NPAT: variants seen among roughly 807,000 people sequenced by gnomAD.
NPAT encodes protein NPAT.
NPAT carries 52 observed loss-of-function variants against 130.7 expected under a neutral mutation model. The observed-to-expected ratio is 0.40, with a 90% CI of 0.32 to 0.50. The LOEUF is 0.50. Ranked by LOEUF, NPAT falls within the 20% of genes least tolerant of loss-of-function variation. The pLI is 0.68. For synonymous variants in NPAT, 580 were observed against 584.8 expected, an observed-to-expected ratio of 0.99 and a Z score of 0.12; for missense variants, 1,687 against 1,662.6, an observed-to-expected ratio of 1.01 and a Z score of -0.26.
intron 3 of NPAT, among the ~76,000 whole-genome samples, chr11:108,193,232 T>C (rs1052332191): frequency 2.6e-5 from 4 of 152,230 alleles, no homozygotes; most frequent in Non-Finnish European, 5.9e-5. Flanking sequence ...AGTGTATGAC[T>C]GGCTTCTGTG....
intron 1 of NPAT, among the ~76,000 whole-genome samples, chr11:108,215,725 T>C (rs2078430423): frequency 6.6e-6 from 1 of 152,198 alleles, no homozygotes; most frequent in African/African-American, 2.4e-5. Flanking sequence ...CTAGCTGTGA[T>C]TTGGGAATCA....
At chr11:108,219,108 T>C (rs1425218465) in intron 1 of NPAT, among the ~76,000 whole-genome samples, 1 of 152,186 alleles carries the variant, frequency 6.6e-6, no homozygotes, top group Non-Finnish European at 1.5e-5. Context: ...AGCTTGACTC[T>C]ATATAGGCAA....
intron 1 of NPAT, among the ~76,000 whole-genome samples, chr11:108,212,531 A>G (rs1013820452): frequency 6.8e-6 from 1 of 147,730 alleles, no homozygotes; most frequent in African/African-American, 2.5e-5. Context: ...TCTCAAAAGA[A>G]AAAAAAAAAA....
Position 108,185,250 on chromosome 11 carries a change from A to T in NPAT, c.888T>A (p.Asp296Glu). The T allele has an allele frequency of 6.2e-7, 1 of 1,611,692 alleles. No homozygotes were observed. Among genetic ancestry groups the T allele is most frequent in the South Asian group, 1.1e-5 (1 of 90,586 alleles). Residue 296 changes from aspartate to glutamate, a missense_variant, in exon 10 of 18, where the codon GAT becomes GAA. Physicochemically the swap from Asp to Glu is conservative, Grantham distance 45. This residue lies in a region of NPAT where 1,379 missense variants were observed against 1,346.6 expected (regional missense o/e 1.02). Transcript: ENST00000278612. The part of the protein sequence containing the change: ...NNPTEPETSI[D>E]EFLGLPSEIH... ...CCCATACCGGAAGTCCTAGGAATTC[A>T]TCAATTGAAGTCTCTGGCTCCGTAG... is the stretch of plus-strand genomic sequence containing the variant.
intron 10 of NPAT, among the ~76,000 whole-genome samples, chr11:108,181,933 G>A (rs776882890): frequency 3.3e-5 from 5 of 152,220 alleles, no homozygotes; most frequent in Non-Finnish European, 7.3e-5. Context: ...CCATAGTGCT[G>A]TCATGGTCAG....
intron 2 of NPAT, among the ~76,000 whole-genome samples, chr11:108,194,647 T>C (rs973624464): frequency 2.8e-4 from 42 of 152,204 alleles, no homozygotes; most frequent in African/African-American, 1.0e-3. Flanking sequence ...CACCAGTTTT[T>C]AAAATTTATT....
At chr11:108,198,897 C>T (rs1565323348) in intron 1 of NPAT, among the ~76,000 whole-genome samples, 1 of 152,340 alleles carries the variant, frequency 6.6e-6, no homozygotes, top group East Asian at 1.9e-4. Context: ...TTCTTAAACG[C>T]AGGACAAGAT....
intron 1 of NPAT, among the ~76,000 whole-genome samples, chr11:108,216,347 G>T (rs1184809211): frequency 6.6e-6 from 1 of 152,072 alleles, no homozygotes; most frequent in Non-Finnish European, 1.5e-5. Flanking sequence ...ATTCTCAAAA[G>T]GAGTCATACT....
Position 108,160,860 on chromosome 11 carries a change from A to G in NPAT, c.4206+20T>C, listed in dbSNP as rs2077839788. ...CGGAAAAAAAAGGTGTGGTTTTGAA[A>G]TTAAAACTTTCAAACTTGCCTTAAT... On this transcript the variant is annotated intron_variant, in intron 17 of 17. Coordinates refer to ENST00000278612, the MANE Select transcript of NPAT (RefSeq NM_002519.3). 6.2e-7 allele frequency: 1 copy of G among 1,601,632 alleles called. No individual in the cohort carries two copies. The highest frequency in any genetic ancestry group is 8.5e-7 in the Non-Finnish European group (1 of 1,172,896).
rs1591386072 is a variant in NPAT, at chr11:108,166,302, G to T, written c.3010+3442C>A. Among the ~76,000 whole-genome samples the T allele has an allele frequency of 2.0e-5, 3 of 152,218 alleles. No individual in the cohort carries two copies. The East Asian group carries it at 5.8e-4, about 30-fold the overall frequency. ...AGCTACAAGGGAGGCTGAGACAGAA[G>T]AATCGCTTGAACCCGGGAGGCGAAG... On this transcript the variant is annotated intron_variant, in intron 15 of 17. Transcript: ENST00000278612.
rs766772430 is a variant in NPAT, at chr11:108,193,944, T to A, written c.217+13A>T. Reference sequence around the variant, plus strand: ...TATACATCAGCAAAAAAACTCCAAATCAGAACTCTTACCTTTTGTTTTCAT... The same window carrying A: ...TATACATCAGCAAAAAAACTCCAAAACAGAACTCTTACCTTTTGTTTTCAT... On this transcript the variant is annotated intron_variant, in intron 3 of 17. Transcript: ENST00000278612. 3.2e-5 allele frequency: 49 copies of A among 1,523,258 alleles called. No individual in the cohort carries two copies. Among genetic ancestry groups the A allele is most frequent in the Non-Finnish European group, 4.1e-5 (45 of 1,098,528 alleles). The allele number at this position is 1,523,258 out of a possible 1,614,324, so 94.4% of individuals were successfully genotyped here.
chr11:108,177,461 GAAT>G (rs1294296829), intron 10 of NPAT, among the ~76,000 whole-genome samples: 4 of 152,010 alleles, frequency 2.6e-5, no homozygotes, highest in Non-Finnish European at 5.9e-5. Flanking sequence ...TACTCAGCGT[GAAT>G]AATATGATTT....
At chr11:108,214,489 G>A (rs1298570992) in intron 1 of NPAT, among the ~76,000 whole-genome samples, 1 of 152,058 alleles carries the variant, frequency 6.6e-6, no homozygotes, top group Non-Finnish European at 1.5e-5. Context: ...GATTCTCTTT[G>A]GAGTGATGGA....
chr11:108,165,468 A>G (rs865814358), intron 15 of NPAT, among the ~76,000 whole-genome samples: 1 of 106,296 alleles, frequency 9.4e-6, no homozygotes, highest in Non-Finnish European at 1.9e-5. Context: ...ATATATATAT[A>G]TATATTTTTT....
chr11:108,206,798 G>A (rs1473343686), intron 1 of NPAT, among the ~76,000 whole-genome samples: 2 of 152,244 alleles, frequency 1.3e-5, no homozygotes, highest in Admixed American at 1.3e-4. Flanking sequence ...TCAACTGGAA[G>A]GTGCTCAAGG....
intron 17 of NPAT, among the ~76,000 whole-genome samples, chr11:108,159,578 C>T (rs554800263): frequency 3.3e-5 from 5 of 152,268 alleles, no homozygotes; most frequent in African/African-American, 1.2e-4. Context: ...TTCCCTGATA[C>T]CATACTTCCT....
intron 3 of NPAT, among the ~76,000 whole-genome samples, chr11:108,193,302 T>A (rs893717415): frequency 1.3e-5 from 2 of 152,220 alleles, no homozygotes; most frequent in African/African-American, 4.8e-5. Context: ...TTTTAACACA[T>A]AGTGATGTCT....
At chr11:108,185,153 T>G in intron 10 of NPAT, 79 bp downstream of exon 10, 1 of 954,658 alleles carries the variant, frequency 1.0e-6, no homozygotes, top group Non-Finnish European at 1.7e-6. Flanking sequence ...GGCAATGGTT[T>G]TGAAATGAAA....
chr11:108,217,168 T>C (rs1029466421), intron 1 of NPAT, among the ~76,000 whole-genome samples: 2 of 149,960 alleles, frequency 1.3e-5, no homozygotes, highest in African/African-American at 5.1e-5. Flanking sequence ...AGTGTGAGCA[T>C]GAGTGAGTGT....
Sources: allele counts gnomAD v4.1 joint callset (sites outside exome capture counted in the v4.1 genomes callset), GRCh38; gene constraint gnomAD v4.1.1; regional missense constraint gnomAD v4.1.1; transcripts MANE v1.5; gene names NCBI Gene and HGNC (gene_info 2026-07-23, HGNC 2026-07-21).